The following FGGY variants were observed in gnomAD, a reference collection of about 807,000 sequenced individuals.
FGGY encodes the protein FGGY carbohydrate kinase domain-containing protein.
In FGGY, 72 loss-of-function variants were observed where a neutral mutation model predicts 71.3. The observed-to-expected ratio is 1.01, with a 90% CI of 0.84 to 1.23. The LOEUF (loss-of-function observed/expected upper bound fraction) is 1.23, where lower values mean the gene tolerates loss of function less well. Ranked by LOEUF, FGGY falls within the 50% of genes most tolerant of loss-of-function variation. FGGY has a pLI of 0.00. For missense variants in FGGY, 668 were observed against 682.3 expected (o/e 0.98, Z 0.23); for synonymous variants, 251 against 250.3 (o/e 1.00, Z -0.02).
At chr1:59,505,562 C>T (rs2094356940) in intron 6 of FGGY, among the ~76,000 whole-genome samples, 1 of 152,172 alleles carries the variant, frequency 6.6e-6, no homozygotes, top group South Asian at 2.1e-4. Context: ...GGTCACATGC[C>T]ACCCATGCCC....
chr1:59,699,665 C>T (rs914983631), intron 14 of FGGY, among the ~76,000 whole-genome samples: 2 of 152,154 alleles, frequency 1.3e-5, no homozygotes, highest in Non-Finnish European at 1.5e-5. Flanking sequence ...ACTAGCTGAA[C>T]TTGGAGTAAC....
intron 14 of FGGY, chr1:59,699,028 A>G (rs1171782580): frequency 2.0e-6 from 2 of 985,324 alleles, no homozygotes; most frequent in Admixed American, 6.1e-5. Context: ...TTGGTTGAAT[A>G]TCAAACTAAC....
chr1:59,307,505 CT>C (rs1333764081), intron 1 of FGGY, among the ~76,000 whole-genome samples: 6 of 152,244 alleles, frequency 3.9e-5, no homozygotes, highest in African/African-American at 1.2e-4. Flanking sequence ...CTGTTATTCA[CT>C]GACTCTATGA....
intron 14 of FGGY, among the ~76,000 whole-genome samples, chr1:59,699,610 CA>C (rs1265162077): frequency 6.6e-6 from 1 of 150,526 alleles, no homozygotes; most frequent in African/African-American, 2.4e-5. Flanking sequence ...AATATGCAAA[CA>C]AAAAAAGGAG....
intron 11 of FGGY, among the ~76,000 whole-genome samples, chr1:59,651,026 A>G (rs1179230264): frequency 6.6e-6 from 1 of 151,408 alleles, no homozygotes; most frequent in Non-Finnish European, 1.5e-5. Context: ...GTCATTCAGG[A>G]GCAGGTTGTT....
intron 6 of FGGY, among the ~76,000 whole-genome samples, chr1:59,492,803 T>C: frequency 6.6e-6 from 1 of 152,076 alleles, no homozygotes; most frequent in African/African-American, 2.4e-5. Context: ...TTTACTATTT[T>C]CAGTCCCTCT....
chr1:59,457,792 A>C (rs1230249586), intron 6 of FGGY, among the ~76,000 whole-genome samples: 1 of 152,198 alleles, frequency 6.6e-6, no homozygotes, highest in East Asian at 1.9e-4. Flanking sequence ...TAAAGCTAAA[A>C]GATCAATATT....
At chr1:59,463,147 T>C (rs1274244047) in intron 6 of FGGY, among the ~76,000 whole-genome samples, 1 of 152,114 alleles carries the variant, frequency 6.6e-6, no homozygotes, top group Admixed American at 6.5e-5. Context: ...TGGAATACTA[T>C]GCAGCCATAA....
intron 2 of FGGY, among the ~76,000 whole-genome samples, chr1:59,326,714 T>C (rs1461996180): frequency 6.6e-6 from 1 of 152,154 alleles, no homozygotes; most frequent in African/African-American, 2.4e-5. Flanking sequence ...TATTCTTGCA[T>C]TTGAAGTGTT....
intron 5 of FGGY, among the ~76,000 whole-genome samples, chr1:59,456,347 A>G (rs2091688588): frequency 6.6e-6 from 1 of 152,204 alleles, no homozygotes; most frequent in African/African-American, 2.4e-5. Context: ...TAGCAAGGTT[A>G]TAATTTCTAA....
chr1:59,429,358 C>G (rs567690347), intron 5 of FGGY, among the ~76,000 whole-genome samples: 1 of 152,004 alleles, frequency 6.6e-6, no homozygotes, highest in East Asian at 1.9e-4. Flanking sequence ...TGGGATATTT[C>G]TTTATAGAAA....
intron 5 of FGGY, among the ~76,000 whole-genome samples, chr1:59,389,411 T>A (rs1272430714): frequency 2.0e-5 from 3 of 152,240 alleles, no homozygotes; most frequent in Non-Finnish European, 2.9e-5. Flanking sequence ...TTCTTTTTTA[T>A]GACTGAATAA....
At chr1:59,690,382 C>G (rs2097579173) in intron 14 of FGGY, among the ~76,000 whole-genome samples, 1 of 152,198 alleles carries the variant, frequency 6.6e-6, no homozygotes, top group Non-Finnish European at 1.5e-5. Context: ...AGGCCACGCG[C>G]TTTCCCAAGC....
At chr1:59,518,241 A>G (rs1256075018) in intron 7 of FGGY, among the ~76,000 whole-genome samples, 1 of 152,236 alleles carries the variant, frequency 6.6e-6, no homozygotes, top group African/African-American at 2.4e-5. Flanking sequence ...AGAACAACAC[A>G]TAGTTTGTTC....
intron 1 of FGGY, among the ~76,000 whole-genome samples, chr1:59,315,928 G>A (rs1227700516): frequency 6.6e-6 from 1 of 152,220 alleles, no homozygotes; most frequent in Admixed American, 6.5e-5. Context: ...TAGAGGTAAA[G>A]TTTTGGTTAG....
chr1:59,338,247 TTTG>T (rs2049991838), intron 2 of FGGY, among the ~76,000 whole-genome samples: 1 of 152,200 alleles, frequency 6.6e-6, no homozygotes, highest in African/African-American at 2.4e-5. Context: ...TTGTTAATAT[TTTG>T]TTAAGGATTT....
intron 2 of FGGY, among the ~76,000 whole-genome samples, chr1:59,324,816 C>T (rs1458623517): frequency 6.6e-6 from 1 of 152,202 alleles, no homozygotes; most frequent in African/African-American, 2.4e-5. Flanking sequence ...ATTTTCTACA[C>T]ATGGGGCATC....
chr1:59,381,466 G>C (rs1161612721), intron 5 of FGGY, among the ~76,000 whole-genome samples: 1 of 151,928 alleles, frequency 6.6e-6, no homozygotes, highest in East Asian at 1.9e-4. Context: ...TCTGTTAAAA[G>C]CTGAGATACA....
intron 9 of FGGY, among the ~76,000 whole-genome samples, chr1:59,623,351 T>G (rs6684335): frequency 6.6e-6 from 1 of 152,152 alleles, no homozygotes; most frequent in Non-Finnish European, 1.5e-5. Context: ...TTATTCATCC[T>G]TATTTTCACC....
Sources: gnomAD v4.1 joint callset for allele counts (sites outside exome capture counted in the v4.1 genomes callset) on GRCh38, gnomAD v4.1.1 for gene constraint, MANE v1.5 for transcripts, NCBI Gene and HGNC (gene_info 2026-07-23, HGNC 2026-07-21) for gene names.